CAMSAP2: variants seen among roughly 807,000 people sequenced by gnomAD.
CAMSAP2 encodes calmodulin-regulated spectrin-associated protein 2.
Under a neutral mutation model 146.1 loss-of-function variants are expected in CAMSAP2, and 26 were observed. That is an observed-to-expected ratio of 0.18 (90% confidence interval 0.13 to 0.25). The LOEUF is 0.25. Ranked by LOEUF, CAMSAP2 falls within the 10% of genes least tolerant of loss-of-function variation. The pLI, the probability that CAMSAP2 is intolerant of heterozygous loss-of-function variation, is 1.00. For missense variants in CAMSAP2, 1,381 were observed against 1,759.3 expected, an observed-to-expected ratio of 0.78 and a Z score of 3.85; for synonymous variants, 499 against 596.6, an observed-to-expected ratio of 0.84 and a Z score of 2.38.
rs148161299 is a variant in CAMSAP2 at position 200,810,626 on chromosome 1, C to T, written c.561+3089C>T. ...CTTGGAGACTGGGGGCGGTGACTCA[C>T]GTCTGTAATCCCACTACTTTGGGAG... On this transcript the variant is annotated intron_variant, in intron 3 of 16. Coordinates refer to ENST00000358823, the MANE Select transcript of CAMSAP2 (RefSeq NM_203459.4). Among the ~76,000 whole-genome samples, 824 of 151,158 alleles carry T rather than the reference C, an allele frequency of 5.5e-3. 9 individuals are homozygous for T. The highest frequency in any genetic ancestry group is 0.01 in the Middle Eastern group (3 of 292).
chr1:200,835,426 T>C (rs1667160899), intron 6 of CAMSAP2, among the ~76,000 whole-genome samples: 1 of 152,178 alleles, frequency 6.6e-6, no homozygotes, highest in South Asian at 2.1e-4. Flanking sequence ...AGCCTGGGGA[T>C]TTGGTCATTT....
intron 7 of CAMSAP2, among the ~76,000 whole-genome samples, chr1:200,843,530 G>T (rs987722569): frequency 2.0e-5 from 3 of 152,086 alleles, no homozygotes; most frequent in African/African-American, 7.2e-5. Flanking sequence ...ACCAATATTT[G>T]TATAATTTTT....
chr1:200,857,519 G>T lies in CAMSAP2; in HGVS notation c.4131+95G>T. 1.1e-6 allele frequency: 1 copy of T among 894,628 alleles called. No individual in the cohort carries two copies. Among genetic ancestry groups the T allele is most frequent in the Non-Finnish European group, 1.8e-6 (1 of 562,994 alleles). The allele number at this position is 894,628 out of a possible 1,614,324, so 55.4% of individuals were successfully genotyped here. Reference sequence around the variant, plus strand: ...CTCTCATGGGCCTAGACTTTCAACAGCATGTAAAAAGATCTGTAGCTAGAT... The same window carrying T: ...CTCTCATGGGCCTAGACTTTCAACATCATGTAAAAAGATCTGTAGCTAGAT... On this transcript the variant is annotated intron_variant, in intron 16 of 16. Transcript: ENST00000358823. This position sits in a 1 kb window ranked among gnomAD's most constrained non-coding sequence, Gnocchi z 4.7.
intron 10 of CAMSAP2, 116 bp downstream of exon 10, chr1:200,847,825 T>C (rs909072329): frequency 9.7e-7 from 1 of 1,028,344 alleles, no homozygotes. Context: ...TTCCTAAATT[T>C]GAAAAAGGCA....
chr1:200,821,050 T>C (rs1016726962), intron 4 of CAMSAP2, among the ~76,000 whole-genome samples: 8 of 152,186 alleles, frequency 5.3e-5, no homozygotes, highest in Admixed American at 5.2e-4. Flanking sequence ...TCGATTTCTT[T>C]TATACCATTA....
At chr1:200,762,101 G>A (rs1170614033) in intron 2 of CAMSAP2, among the ~76,000 whole-genome samples, 4 of 152,136 alleles carry the variant, frequency 2.6e-5, no homozygotes, top group African/African-American at 9.7e-5. Flanking sequence ...ATGTAGAAAA[G>A]TATATTATAA....
chr1:200,843,864 GTTT>G (rs1384445275), intron 7 of CAMSAP2, among the ~76,000 whole-genome samples: 1 of 150,744 alleles, frequency 6.6e-6, no homozygotes, highest in African/African-American at 2.4e-5. Flanking sequence ...GTTTGTTTTT[GTTT>G]TGTTTTGTTT....
chr1:200,823,738 T>C (rs1240879226), intron 4 of CAMSAP2, among the ~76,000 whole-genome samples: 1 of 152,230 alleles, frequency 6.6e-6, no homozygotes, highest in Non-Finnish European at 1.5e-5. Context: ...TTTCCCTTCT[T>C]ATTTTTGGAA....
chr1:200,795,993 G>T (rs1665874464), intron 2 of CAMSAP2, among the ~76,000 whole-genome samples: 1 of 152,098 alleles, frequency 6.6e-6, no homozygotes, highest in Admixed American at 6.6e-5. Flanking sequence ...TAGCAGTTTT[G>T]TGCGATCAGT....
rs531558305 is a variant in CAMSAP2, at chr1:200,853,161, A to G, written c.3603-114A>G. ...CAAGTACCTTTTAAATGAACCATTT[A>G]TTCACCAAGGTGATGAAATAGAATT... On this transcript the variant is annotated intron_variant, in intron 12 of 16. Coordinates refer to ENST00000358823, the MANE Select transcript of CAMSAP2 (RefSeq NM_203459.4). This position sits in a 1 kb window ranked among gnomAD's most constrained non-coding sequence, Gnocchi z 5.1. 6 of 904,496 alleles carry G rather than the reference A, an allele frequency of 6.6e-6. No homozygotes were observed. The highest frequency in any genetic ancestry group is 1.0e-5 in the Non-Finnish European group (6 of 583,326). The allele number at this position is 904,496 out of a possible 1,614,324, so 56.0% of individuals were successfully genotyped here.
At chr1:200,782,425 C>T (rs1428605778) in intron 2 of CAMSAP2, among the ~76,000 whole-genome samples, 1 of 151,998 alleles carries the variant, frequency 6.6e-6, no homozygotes, top group Non-Finnish European at 1.5e-5. Flanking sequence ...ACATAATAAC[C>T]CCCCAAAATT....
At chr1:200,786,510 A>G (rs572259955) in intron 2 of CAMSAP2, among the ~76,000 whole-genome samples, 2 of 151,822 alleles carry the variant, frequency 1.3e-5, no homozygotes, top group East Asian at 3.9e-4. Context: ...CAGCCTCCTG[A>G]GTAGCTGGAA....
intron 1 of CAMSAP2, among the ~76,000 whole-genome samples, chr1:200,759,542 G>A (rs533086759): frequency 6.6e-6 from 1 of 152,170 alleles, no homozygotes; most frequent in Non-Finnish European, 1.5e-5. Flanking sequence ...CTCCCAAAGT[G>A]CTGGGATTAC....
chr1:200,812,352 A>G (rs1666355158), intron 3 of CAMSAP2, among the ~76,000 whole-genome samples: 1 of 152,214 alleles, frequency 6.6e-6, no homozygotes, highest in African/African-American at 2.4e-5. Context: ...AACTTTGGAA[A>G]TCTACACAAA....
At position 200,816,827 on chromosome 1, in the gene CAMSAP2, C is replaced by CGCGCGTGT. The variant is rs1666534638; in HGVS notation, c.645+1183_645+1184insGCGCGTGT. Among the ~76,000 whole-genome samples the CGCGCGTGT allele has an allele frequency of 6.1e-5, 6 of 97,942 alleles. 1 individual carries two copies. The highest frequency in any genetic ancestry group is 1.0e-4 in the Non-Finnish European group (5 of 47,970). 64.3% of individuals were successfully genotyped at this position (97,942 alleles called of 152,430 possible). A position where few individuals can be genotyped will look rare whatever the true frequency, so the allele number is the denominator to read the frequency against. On this transcript the variant is annotated intron_variant, in intron 4 of 16. Coordinates refer to ENST00000358823, the MANE Select transcript of CAMSAP2 (RefSeq NM_203459.4). ...GCGTGTATATATGTGTGTACACACA[C>CGCGCGTGT]ACGCGTGTGTATGTGTGTACACACA...
chr1:200,810,761 C>G (rs532170054), intron 3 of CAMSAP2, among the ~76,000 whole-genome samples: 1 of 145,016 alleles, frequency 6.9e-6, no homozygotes, highest in African/African-American at 2.6e-5. Context: ...TGGTGGCACG[C>G]GCCTGTAGTC....
chr1:200,838,541 A>G (rs1440739844), intron 6 of CAMSAP2, among the ~76,000 whole-genome samples: 5 of 152,154 alleles, frequency 3.3e-5, no homozygotes, highest in African/African-American at 7.2e-5. Context: ...CATGTGCCAG[A>G]CACTGTTTTA....
intron 1 of CAMSAP2, among the ~76,000 whole-genome samples, chr1:200,742,952 T>C (rs1324473540): frequency 6.6e-6 from 1 of 152,216 alleles, no homozygotes; most frequent in Non-Finnish European, 1.5e-5. Flanking sequence ...ACAGTAGTAT[T>C]ACAAAAGTAT....
intron 2 of CAMSAP2, among the ~76,000 whole-genome samples, chr1:200,791,858 C>T (rs1479336825): frequency 1.3e-5 from 2 of 151,912 alleles, no homozygotes; most frequent in African/African-American, 4.8e-5. Flanking sequence ...CTCAGTTACT[C>T]AGGAGGCTGA....
Sources: gnomAD v4.1 joint callset for allele counts (sites outside exome capture counted in the v4.1 genomes callset) on GRCh38, gnomAD v4.1.1 for gene constraint, Gnocchi (gnomAD v3.1) non-coding constraint, MANE v1.5 for transcripts, NCBI Gene and HGNC (gene_info 2026-07-23, HGNC 2026-07-21) for gene names.